The following PRKAG3 variants were observed in gnomAD, a reference collection of about 807,000 sequenced individuals.
PRKAG3 encodes 5'-AMP-activated protein kinase subunit gamma-3.
Under a neutral mutation model 56.5 loss-of-function variants are expected in PRKAG3, and 39 were observed. The ratio of observed to expected loss-of-function variants is 0.69; its 90% confidence interval spans 0.53 to 0.90. PRKAG3 has a LOEUF of 0.90. Among genes scored for constraint, PRKAG3 ranks in the 40% least tolerant of loss-of-function variants. The pLI, the probability that PRKAG3 is intolerant of heterozygous loss-of-function variation, is 0.00. For synonymous variants in PRKAG3, 243 were observed against 250.1 expected (o/e 0.97, Z 0.27); for missense variants, 628 against 627.5 (o/e 1.00, Z -0.01).
At chr2:218,830,257 G>A (rs1943999623) in exon 4 of PRKAG3, 1 of 1,613,986 alleles carries the variant, frequency 6.2e-7, no homozygotes, top group East Asian at 2.2e-5. Flanking sequence ...TACAGTCAGA[G>A]GGGAGGCAGT....
chr2:218,824,499 T>C, intron 11 of PRKAG3, 40 bp downstream of exon 11: 1 of 1,606,496 alleles, frequency 6.2e-7, no homozygotes. Context: ...CCCACACCCT[T>C]AGCCTCCCTG....
chr2:218,822,898 G>A (rs991340673), downstream of PRKAG3: 4 of 985,524 alleles, frequency 4.1e-6, no homozygotes, highest in African/African-American at 5.2e-5. Flanking sequence ...GGCGGCAAGG[G>A]GATGGGCGGG....
intron 3 of PRKAG3, 140 bp from the exon 4 acceptor site, chr2:218,830,521 A>G: frequency 1.6e-6 from 2 of 1,233,064 alleles, no homozygotes; most frequent in Middle Eastern, 2.2e-4. Flanking sequence ...CTGACCTGAG[A>G]GTCGCCCCAG....
At position 218,827,299 on chromosome 2, in the gene PRKAG3, T is replaced by C. The variant is rs143998069; in HGVS notation, c.950A>G (p.Asn317Ser). 6.8e-4 allele frequency: 1,097 copies of C among 1,614,176 alleles called. No individual in the cohort carries two copies. Among genetic ancestry groups the C allele is most frequent in the Non-Finnish European group, 8.6e-4 (1,009 of 1,180,022 alleles). The change falls in exon 9 of 13, where the codon AAC becomes AGC. Residue 317 changes from asparagine (N) to serine (S), a missense_variant. By Grantham distance (46) the Asn-to-Ser change is conservative. Transcript: ENST00000529249. This position sits in a 1 kb window ranked among gnomAD's most constrained non-coding sequence, Gnocchi z 5.3. ...TTTGTGTGTGAGGATGTGGAGTACG[T>C]TGCCTGACACCGGGTCAAGAACAGG... is the stretch of plus-strand genomic sequence containing the variant.
rs557025337 is a variant in PRKAG3, at chr2:218,831,331, C to T, written c.73+5G>A. On this transcript the variant is annotated splice_donor_5th_base_variant and intron_variant, in intron 2 of 12. Coordinates refer to ENST00000529249, the Ensembl canonical transcript of PRKAG3. ...TAGGCCCCAGGGAGGGGGCATTCTC[C>T]CTACCTTGATGCTCAGAACCCCCAA... is the stretch of plus-strand genomic sequence containing the variant. 8.2e-6 allele frequency: 13 copies of T among 1,593,358 alleles called. No homozygotes were observed. In the African/African-American group the frequency reaches 1.7e-4, roughly 21 times the overall value.
Position 218,827,507 on chromosome 2 carries a change from A to T in PRKAG3, c.875+68T>A, listed in dbSNP as rs916419927. 23 of 1,601,600 alleles carry T rather than the reference A, an allele frequency of 1.4e-5. No individual in the cohort carries two copies. The highest frequency in any genetic ancestry group is 1.8e-5 in the Non-Finnish European group (21 of 1,169,040). ...GCCTAGGATGAAGAGGTGAGTTCAG[A>T]GCTGAGTGGGACTGGGGAAGGGGAC... On this transcript the variant is annotated intron_variant, in intron 8 of 12. Transcript: ENST00000529249. This position sits in a 1 kb window ranked among gnomAD's most constrained non-coding sequence, Gnocchi z 5.3.
chr2:218,831,448 C>A lies in PRKAG3; in HGVS notation c.34-73G>T, dbSNP rs373232896. 6.6e-6 allele frequency: 9 copies of A among 1,354,602 alleles called. No homozygotes were observed. In the South Asian group the frequency reaches 1.2e-4, roughly 18 times the overall value. 83.9% of individuals were successfully genotyped at this position (1,354,602 alleles called of 1,614,324 possible). A position where few individuals can be genotyped will look rare whatever the true frequency, so the allele number is the denominator to read the frequency against. ...CCCAAACCCCTTCTCCCTGAACACA[C>A]GCCTACACACCCATGCACACCAATA... On this transcript the variant is annotated intron_variant, in intron 1 of 12. Coordinates refer to ENST00000529249, the Ensembl canonical transcript of PRKAG3.
At position 218,830,749 on chromosome 2, in the gene PRKAG3, C is replaced by G. The variant is rs864622003; in HGVS notation, c.226G>C (p.Glu76Gln). ...CCAGAACTGGCCTTGGCCTCACCTT[C>G]CCCCTGACCTGGTGGCTCCCCTTCC... The change falls in exon 3 of 13, where the codon GAA becomes CAA. Residue 76 changes from glutamate (E) to glutamine (Q), a missense_variant. Physicochemically the swap from Glu to Gln is conservative, Grantham distance 29. Transcript: ENST00000529249. 1.9e-5 allele frequency: 30 copies of G among 1,612,096 alleles called. No individual in the cohort carries two copies. Among genetic ancestry groups the G allele is most frequent in the Non-Finnish European group, 2.5e-5 (29 of 1,179,972 alleles).
At chr2:218,823,855 G>T (rs773042275) in exon 13 of PRKAG3, 3 of 1,614,048 alleles carry the variant, frequency 1.9e-6, no homozygotes. Context: ...GCTGGGTCTC[G>T]TCCACTAGCA....
At chr2:218,826,702 G>C (rs1943936941) in intron 10 of PRKAG3, 6 of 577,904 alleles carry the variant, frequency 1.0e-5, no homozygotes, top group Non-Finnish European at 9.3e-6. Flanking sequence ...TGTGAAGTCA[G>C]AAAGATGAGT....
exon 13 of PRKAG3, chr2:218,823,855 G>A (rs773042275): frequency 1.2e-5 from 20 of 1,613,930 alleles, no homozygotes; most frequent in East Asian, 6.7e-5. Context: ...GCTGGGTCTC[G>A]TCCACTAGCA....
intron 10 of PRKAG3, chr2:218,826,659 C>T (rs1425082025): frequency 2.1e-6 from 1 of 469,904 alleles, no homozygotes; most frequent in East Asian, 4.2e-5. Context: ...CTCGCTATGC[C>T]CATTTTCATG....
exon 4 of PRKAG3, chr2:218,830,025 C>T (rs551880150): frequency 6.2e-7 from 1 of 1,614,024 alleles, no homozygotes; most frequent in African/African-American, 1.3e-5. Context: ...GTTGCCATGG[C>T]ATCGTAGCAG....
chr2:218,825,509 G>T (rs115680563), intron 10 of PRKAG3, among the ~76,000 whole-genome samples: 1 of 151,728 alleles, frequency 6.6e-6, no homozygotes, highest in Non-Finnish European at 1.5e-5. Flanking sequence ...TTAGCTGGGC[G>T]TGGTGTCATT....
At chr2:218,831,224 C>T (rs1944014445) in intron 2 of PRKAG3, 112 bp downstream of exon 2, 1 of 854,406 alleles carries the variant, frequency 1.2e-6, no homozygotes. Context: ...GGAAGAAAGA[C>T]CAAAAGGAGG....
At chr2:218,829,980 C>T in exon 4 of PRKAG3, 1 of 1,613,142 alleles carries the variant, frequency 6.2e-7, no homozygotes, top group Non-Finnish European at 8.5e-7. Context: ...GGCCTCACCT[C>T]CAGCATGGTG....
At chr2:218,829,236 G>C (rs991572581) in intron 4 of PRKAG3, among the ~76,000 whole-genome samples, 39 of 151,870 alleles carry the variant, frequency 2.6e-4, no homozygotes, top group Admixed American at 2.6e-3. Flanking sequence ...TTATAGCTAA[G>C]CCTAATGGAA....
intron 10 of PRKAG3, 80 bp from the exon 11 acceptor site, chr2:218,824,656 G>T: frequency 1.5e-6 from 2 of 1,301,864 alleles, no homozygotes; most frequent in Non-Finnish European, 2.2e-6. Flanking sequence ...TGTGTAGAGG[G>T]CCTAGGGCTA....
intron 5 of PRKAG3, 61 bp downstream of exon 5, chr2:218,828,458 A>C: frequency 6.8e-7 from 1 of 1,480,058 alleles, no homozygotes; most frequent in Non-Finnish European, 9.2e-7. Flanking sequence ...CCCCAGAACA[A>C]CCGTACAAGA....
Sources: allele counts gnomAD v4.1 joint callset (sites outside exome capture counted in the v4.1 genomes callset), GRCh38; gene constraint gnomAD v4.1.1; non-coding constraint Gnocchi (gnomAD v3.1); transcripts MANE v1.5; gene names NCBI Gene and HGNC (gene_info 2026-07-23, HGNC 2026-07-21).